Variants in CADM2 observed in about 807,000 individuals in gnomAD.
CADM2 encodes cell adhesion molecule 2, also known as immunoglobulin superfamily member 4D.
A neutral mutation model predicts 49.8 loss-of-function variants in CADM2; 12 were observed. The ratio of observed to expected loss-of-function variants is 0.24; its 90% confidence interval spans 0.15 to 0.39. The LOEUF is 0.39. Among genes scored for constraint, CADM2 ranks in the 10% least tolerant of loss-of-function variants. The probability of loss-of-function intolerance (pLI) is 1.00; values close to 1 mark genes in which losing one functional copy is unlikely to be tolerated. For missense variants in CADM2, 378 were observed against 492.3 expected, an observed-to-expected ratio of 0.77 and a Z score of 2.20; for synonymous variants, 214 against 175.4, an observed-to-expected ratio of 1.22 and a Z score of -1.74.
chr3:85,715,825 G>C (rs1187717560), intron 1 of CADM2, among the ~76,000 whole-genome samples: 1 of 152,112 alleles, frequency 6.6e-6, no homozygotes, highest in Non-Finnish European at 1.5e-5. Flanking sequence ...TCCCTGCAAA[G>C]GACATGAAAG....
intron 1 of CADM2, among the ~76,000 whole-genome samples, chr3:85,047,733 T>G (rs2107390802): frequency 6.6e-6 from 1 of 152,268 alleles, no homozygotes; most frequent in Admixed American, 6.5e-5. Flanking sequence ...AACTCCTATA[T>G]CCAATTCTTA....
At chr3:85,340,857 G>T (rs1006599154) in intron 1 of CADM2, among the ~76,000 whole-genome samples, 9 of 151,512 alleles carry the variant, frequency 5.9e-5, no homozygotes, top group Non-Finnish European at 1.3e-4. Context: ...TATACTTGGA[G>T]ATTATTGTTT....
chr3:85,715,773 G>C (rs1176387210), intron 1 of CADM2, among the ~76,000 whole-genome samples: 3 of 152,112 alleles, frequency 2.0e-5, no homozygotes, highest in African/African-American at 7.2e-5. Flanking sequence ...TTCAGTTCCT[G>C]TGTTAGTTTC....
At position 86,072,665 on chromosome 3, in the gene CADM2, C is replaced by T. The variant is rs185105010; in HGVS notation, c.*5882C>T. 2.6e-5 allele frequency: 4 copies of T among 151,970 alleles called. No individual in the cohort carries two copies. The highest frequency in any genetic ancestry group is 5.9e-5 in the Non-Finnish European group (4 of 67,900). The allele number at this position is 151,970 out of a possible 1,614,324, so 9.4% of individuals were successfully genotyped here. A position where few individuals can be genotyped will look rare whatever the true frequency, so the allele number is the denominator to read the frequency against. ...TGCTTTCTTTCTTCAGATGCTTTTTCGTGTACATGATACTAGTAGACACTT... is the reference window on the plus strand; with the variant it reads ...TGCTTTCTTTCTTCAGATGCTTTTTTGTGTACATGATACTAGTAGACACTT... On this transcript the variant is annotated 3_prime_UTR_variant, in exon 10 of 10. Transcript: ENST00000383699.
At chr3:85,248,813 T>G (rs2042710516) in intron 1 of CADM2, among the ~76,000 whole-genome samples, 1 of 152,164 alleles carries the variant, frequency 6.6e-6, no homozygotes, top group African/African-American at 2.4e-5. Flanking sequence ...AAAACTTGCT[T>G]CATTTGACTC....
chr3:85,377,249 T>C (rs2033646253), intron 1 of CADM2, among the ~76,000 whole-genome samples: 1 of 152,100 alleles, frequency 6.6e-6, no homozygotes, highest in African/African-American at 2.4e-5. Context: ...AAAAGTATGA[T>C]TAGTGAAGCT....
At chr3:85,940,776 G>T (rs886094046) in intron 7 of CADM2, among the ~76,000 whole-genome samples, 2 of 152,034 alleles carry the variant, frequency 1.3e-5, no homozygotes, top group Non-Finnish European at 2.9e-5. Context: ...TAAATCTGCG[G>T]ATATTAGTGG....
chr3:85,866,115 G>A (rs369731373), intron 3 of CADM2, among the ~76,000 whole-genome samples: 42 of 152,172 alleles, frequency 2.8e-4, no homozygotes, highest in African/African-American at 8.4e-4. Context: ...TCTTCTGGGC[G>A]ACAGAGTGAG....
intron 1 of CADM2, among the ~76,000 whole-genome samples, chr3:85,070,039 G>A (rs372513143): frequency 6.6e-6 from 1 of 151,864 alleles, no homozygotes; most frequent in Non-Finnish European, 1.5e-5. Context: ...CAACTTCTTC[G>A]AATTTTTTGT....
intron 1 of CADM2, among the ~76,000 whole-genome samples, chr3:85,601,665 T>A (rs1410624475): frequency 6.6e-6 from 1 of 151,656 alleles, no homozygotes; most frequent in Non-Finnish European, 1.5e-5. Context: ...TTAATGAGTA[T>A]TTGAATCTGT....
chr3:85,372,853 C>T (rs2033350392), intron 1 of CADM2, among the ~76,000 whole-genome samples: 1 of 152,098 alleles, frequency 6.6e-6, no homozygotes, highest in African/African-American at 2.4e-5. Context: ...ATAAAACCAT[C>T]AGAACTCATG....
At chr3:85,042,339 T>G (rs1400725666) in intron 1 of CADM2, among the ~76,000 whole-genome samples, 1 of 152,170 alleles carries the variant, frequency 6.6e-6, no homozygotes, top group Non-Finnish European at 1.5e-5. Context: ...TGTTTTTATT[T>G]TTATGTTTTA....
At chr3:85,885,203 A>ATTG (rs1713413113) in intron 4 of CADM2, among the ~76,000 whole-genome samples, 1 of 151,974 alleles carries the variant, frequency 6.6e-6, no homozygotes, top group Non-Finnish European at 1.5e-5. Context: ...ATATTAAATG[A>ATTG]TTGTTTTTAA....
Position 85,250,547 on chromosome 3 carries a change from A to T in CADM2, c.61+290879A>T, listed in dbSNP as rs140775638. 7.2e-5 allele frequency among the ~76,000 whole-genome samples: 11 copies of T among 151,750 alleles called. No homozygotes were observed. In the East Asian group the frequency reaches 2.1e-3, roughly 29 times the overall value. On this transcript the variant is annotated intron_variant, in intron 1 of 9. Coordinates refer to ENST00000383699, the MANE Select transcript of CADM2 (RefSeq NM_001167675.2). ...AACTACACAAATTGAGCAAATGTAT[A>T]CTAGGTATTTGCAGATAACTCAAAT...
chr3:85,267,786 T>A (rs2043153973), intron 1 of CADM2, among the ~76,000 whole-genome samples: 1 of 151,576 alleles, frequency 6.6e-6, no homozygotes, highest in Non-Finnish European at 1.5e-5. Context: ...CAATTTGAGA[T>A]TTTTAGATAT....
At chr3:85,113,798 A>G (rs1358348085) in intron 1 of CADM2, among the ~76,000 whole-genome samples, 1 of 151,876 alleles carries the variant, frequency 6.6e-6, no homozygotes, top group African/African-American at 2.4e-5. Context: ...GAGAGGAAGA[A>G]GTACACTTAG....
chr3:85,953,918 T>G (rs1723746910), intron 7 of CADM2, among the ~76,000 whole-genome samples: 2 of 150,984 alleles, frequency 1.3e-5, no homozygotes, highest in Admixed American at 1.3e-4. Context: ...CCTGTGGAAA[T>G]ACATTGAAGA....
chr3:85,814,423 G>T (rs2073078467), intron 3 of CADM2, among the ~76,000 whole-genome samples: 5 of 151,994 alleles, frequency 3.3e-5, no homozygotes, highest in Admixed American at 3.3e-4. Context: ...AAGCAGGAAA[G>T]ATCTAAAATT....
In CADM2 at chr3:85,377,708, T is replaced by A. The variant is rs185377249; in HGVS notation, c.62-348814T>A. Reference sequence around the variant, plus strand: ...GACTAATGAACATAAGGCACATTTTTATAATGAAAACACATTTTTAAAAGT... The same window carrying A: ...GACTAATGAACATAAGGCACATTTTAATAATGAAAACACATTTTTAAAAGT... On this transcript the variant is annotated intron_variant, in intron 1 of 9. Transcript: ENST00000383699. Among the ~76,000 whole-genome samples, 45 of 152,224 alleles carry A rather than the reference T, an allele frequency of 3.0e-4. No homozygotes were observed. In the East Asian group the frequency reaches 7.5e-3, roughly 25 times the overall value.
Sources: gnomAD v4.1 joint callset for allele counts (sites outside exome capture counted in the v4.1 genomes callset) on GRCh38, gnomAD v4.1.1 for gene constraint, MANE v1.5 for transcripts, NCBI Gene and HGNC (gene_info 2026-07-23, HGNC 2026-07-21) for gene names.